The following TRIP12 variants were observed in gnomAD, a reference collection of about 807,000 sequenced individuals.
TRIP12 encodes thyroid hormone receptor interactor 12, also known as E3 ubiquitin-protein ligase TRIP12.
Under a neutral mutation model 244.2 loss-of-function variants are expected in TRIP12, and 25 were observed. The ratio of observed to expected loss-of-function variants is 0.10; its 90% CI spans 0.07 to 0.14. The LOEUF (loss-of-function observed/expected upper bound fraction) is 0.14, where lower values mean the gene tolerates loss of function less well. Ranked by LOEUF, TRIP12 falls within the 10% of genes least tolerant of loss-of-function variation. The probability of loss-of-function intolerance (pLI) is 1.00; values close to 1 mark genes in which losing one functional copy is unlikely to be tolerated. For synonymous variants in TRIP12, 905 were observed against 873.1 expected (o/e 1.04, Z -0.64); for missense variants, 1,677 against 2,486.4 (o/e 0.67, Z 6.92).
chr2:229,836,991 C>G lies in TRIP12; in HGVS notation c.1134-7G>C. The G allele has an allele frequency of 6.5e-7, 1 of 1,530,694 alleles. No homozygotes were observed. Among genetic ancestry groups the G allele is most frequent in the Non-Finnish European group, 8.7e-7 (1 of 1,143,846 alleles). The allele number at this position is 1,530,694 out of a possible 1,614,324, so 94.8% of individuals were successfully genotyped here. ...CAGGCCAGAGCCTCGCCGACTACAA[C>G]AGAAAAATGTCATCATGGGCAGCAT... On this transcript the variant is annotated splice_region_variant and splice_polypyrimidine_tract_variant and intron_variant, in intron 5 of 41. Coordinates refer to ENST00000675903, the MANE Select transcript of TRIP12 (RefSeq NM_001348323.3).
At chr2:229,823,653 G>A (rs1305904632) in intron 8 of TRIP12, among the ~76,000 whole-genome samples, 1 of 150,110 alleles carries the variant, frequency 6.7e-6, no homozygotes. Flanking sequence ...TCCAACCTGG[G>A]CAACAGAGGA....
rs370923251 is a variant in TRIP12, at chr2:229,834,129, T to C, written c.1270+2719A>G. Reference sequence around the variant, plus strand: ...ATATTTCCCGTTTAGTCTTAGCCTATCTTCACAGTACTGTGTAAGACAGTT... The same window carrying C: ...ATATTTCCCGTTTAGTCTTAGCCTACCTTCACAGTACTGTGTAAGACAGTT... On this transcript the variant is annotated intron_variant, in intron 6 of 41. Coordinates refer to ENST00000675903, the MANE Select transcript of TRIP12 (RefSeq NM_001348323.3). Among the ~76,000 whole-genome samples, 19 of 152,364 alleles carry C rather than the reference T, an allele frequency of 1.2e-4. No individual in the cohort carries two copies. The East Asian group carries it at 1.7e-3, about 14-fold the overall frequency.
chr2:229,793,632 C>T (rs371999351), intron 26 of TRIP12, among the ~76,000 whole-genome samples: 11 of 152,222 alleles, frequency 7.2e-5, no homozygotes, highest in African/African-American at 2.2e-4. Flanking sequence ...TTGAACGAAG[C>T]GGTTTAATAG....
chr2:229,846,545 C>CA (rs1361785886), intron 4 of TRIP12, among the ~76,000 whole-genome samples: 2 of 151,852 alleles, frequency 1.3e-5, no homozygotes, highest in South Asian at 2.1e-4. Context: ...CACTGGGAAA[C>CA]AAAAAAATTC....
intron 5 of TRIP12, 59 bp from the exon 6 acceptor site, chr2:229,837,043 C>G: frequency 7.1e-7 from 1 of 1,404,928 alleles, no homozygotes; most frequent in Non-Finnish European, 9.3e-7. Context: ...GCAATGTATA[C>G]ACAACACAAA....
chr2:229,777,231 T>C, intron 37 of TRIP12, 84 bp downstream of exon 37: 1 of 1,413,562 alleles, frequency 7.1e-7, no homozygotes, highest in South Asian at 1.3e-5. Flanking sequence ...ATATAACAAC[T>C]GAGTCAAATA....
At chr2:229,877,127 G>C (rs1037278122) in intron 2 of TRIP12, among the ~76,000 whole-genome samples, 16 of 152,044 alleles carry the variant, frequency 1.1e-4, no homozygotes, top group African/African-American at 3.6e-4. Flanking sequence ...ATACTGGCAG[G>C]CGCCTGTCTT....
intron 8 of TRIP12, among the ~76,000 whole-genome samples, chr2:229,826,838 T>C (rs982415048): frequency 2.0e-5 from 3 of 152,222 alleles, no homozygotes; most frequent in African/African-American, 7.2e-5. Flanking sequence ...TATAGGGCAC[T>C]TACCATGAAT....
intron 2 of TRIP12, among the ~76,000 whole-genome samples, chr2:229,864,004 A>AAG (rs1163408528): frequency 0.017 from 1,380 of 80,188 alleles, 10 homozygotes; most frequent in Non-Finnish European, 0.027. Flanking sequence ...ATTTGGGTGA[A>AAG]AGAGAGAGAG....
At chr2:229,821,239 T>C (rs932683354) in intron 8 of TRIP12, among the ~76,000 whole-genome samples, 8 of 152,202 alleles carry the variant, frequency 5.3e-5, no homozygotes, top group Non-Finnish European at 1.0e-4. Context: ...CCACCAGTTT[T>C]ACCCATTACA....
chr2:229,849,890 A>C (rs1413665332), intron 4 of TRIP12, among the ~76,000 whole-genome samples: 1 of 151,934 alleles, frequency 6.6e-6, no homozygotes, highest in Non-Finnish European at 1.5e-5. Context: ...CACTGCACAT[A>C]AGTGTTGATA....
In TRIP12 at chr2:229,917,290, A is replaced by T. The variant is rs1448955917; in HGVS notation, c.-50+4590T>A. ...CAGCTACTCGGGAGGCTGAGGCAAG[A>T]GAATGGCATGAACCCTGGAGGCGGA... is the stretch of plus-strand genomic sequence containing the variant. On this transcript the variant is annotated intron_variant, in intron 1 of 41. Transcript: ENST00000675903. Among the ~76,000 whole-genome samples, 3 of 147,478 alleles carry T rather than the reference A, an allele frequency of 2.0e-5. No homozygotes were observed. In the Admixed American group the frequency reaches 2.1e-4, roughly 10 times the overall value.
intron 4 of TRIP12, among the ~76,000 whole-genome samples, chr2:229,851,655 G>A (rs1420275857): frequency 1.3e-5 from 2 of 152,084 alleles, no homozygotes; most frequent in Non-Finnish European, 2.9e-5. Context: ...AACACTCACC[G>A]CGAAGATCTG....
upstream of TRIP12, chr2:229,922,305 T>A: frequency 1.7e-6 from 1 of 577,738 alleles, no homozygotes; most frequent in Non-Finnish European, 3.1e-6. Context: ...AGGAACTAAT[T>A]CCCCCTCGGG....
chr2:229,777,975 G>A (rs1171263546), intron 36 of TRIP12, among the ~76,000 whole-genome samples: 1 of 152,114 alleles, frequency 6.6e-6, no homozygotes, highest in Non-Finnish European at 1.5e-5. Context: ...AAGAAATGAA[G>A]AAATGTCCAG....
chr2:229,775,504 A>G (rs922612119), intron 37 of TRIP12, among the ~76,000 whole-genome samples: 16 of 151,734 alleles, frequency 1.1e-4, no homozygotes, highest in Admixed American at 5.9e-4. Context: ...ACACCACTGG[A>G]AAGTCTTCTC....
chr2:229,771,410 C>G, intron 39 of TRIP12, 109 bp downstream of exon 39: 1 of 806,318 alleles, frequency 1.2e-6, no homozygotes, highest in Non-Finnish European at 2.0e-6. Context: ...TGCTATCTAA[C>G]ACCCATTTTT....
chr2:229,922,407 T>C, upstream of TRIP12: 1 of 1,044,772 alleles, frequency 9.6e-7, no homozygotes, highest in Non-Finnish European at 1.4e-6. Context: ...GAAATCCTTC[T>C]GCCAGCTCAT....
At chr2:229,837,049 A>G in intron 5 of TRIP12, 65 bp from the exon 6 acceptor site, 8 of 1,374,574 alleles carry the variant, frequency 5.8e-6, no homozygotes, top group Non-Finnish European at 7.5e-6. Context: ...TATACACAAC[A>G]CAAAGCTCAA....
Sources: gnomAD v4.1 joint callset for allele counts (sites outside exome capture counted in the v4.1 genomes callset) on GRCh38, gnomAD v4.1.1 for gene constraint, MANE v1.5 for transcripts, NCBI Gene and HGNC (gene_info 2026-07-23, HGNC 2026-07-21) for gene names.